Variants in BMP5 observed in about 807,000 individuals in gnomAD.
The protein encoded by BMP5 is bone morphogenetic protein 5.
BMP5 carries 23 observed loss-of-function variants against 46.6 expected under a neutral mutation model. That is an observed-to-expected ratio of 0.49 (90% CI 0.35 to 0.70). BMP5 has a LOEUF of 0.70. BMP5 is among the 30% of genes least tolerant of loss of function. The pLI is 0.00. For synonymous variants in BMP5, 204 were observed against 191.9 expected (o/e 1.06, Z -0.52); for missense variants, 545 against 565.6 (o/e 0.96, Z 0.37).
intron 1 of BMP5, among the ~76,000 whole-genome samples, chr6:55,847,459 C>T (rs1235394589): frequency 6.6e-6 from 1 of 151,964 alleles, no homozygotes; most frequent in Non-Finnish European, 1.5e-5. Context: ...CATAGGTTTA[C>T]ACCACCAGGA....
intron 1 of BMP5, among the ~76,000 whole-genome samples, chr6:55,871,347 T>G (rs1270770710): frequency 1.3e-5 from 2 of 151,908 alleles, no homozygotes; most frequent in African/African-American, 4.8e-5. Context: ...CTGTAAAATT[T>G]AATACTATGA....
intron 2 of BMP5, among the ~76,000 whole-genome samples, chr6:55,804,806 G>A (rs1775948827): frequency 6.6e-6 from 1 of 152,142 alleles, no homozygotes; most frequent in African/African-American, 2.4e-5. Flanking sequence ...GGAGTTTGGG[G>A]AAATAGGTGC....
chr6:55,843,294 A>T (rs1214838250), intron 1 of BMP5, among the ~76,000 whole-genome samples: 2 of 152,060 alleles, frequency 1.3e-5, no homozygotes, highest in Admixed American at 1.3e-4. Context: ...CAGTTTTTTA[A>T]AGTTTCCTTT....
In BMP5 at chr6:55,761,964, T is replaced by C. The variant is rs145925935; in HGVS notation, c.1028-1431A>G. Among the ~76,000 whole-genome samples, 393 of 152,266 alleles carry C rather than the reference T, an allele frequency of 2.6e-3. 2 individuals carry two copies. Among genetic ancestry groups the C allele is most frequent in the African/African-American group, 8.9e-3 (372 of 41,568 alleles). On this transcript the variant is annotated intron_variant, in intron 4 of 6. Coordinates refer to ENST00000370830, the MANE Select transcript of BMP5 (RefSeq NM_021073.4). ...GAGGAGTTAATGGACAAATTTCTCA[T>C]AGTGTTCCATAAGTGATTTGAGGCA...
Position 55,862,377 on chromosome 6 carries a change from T to C in BMP5, c.490+11999A>G, listed in dbSNP as rs1413202368. On this transcript the variant is annotated intron_variant, in intron 1 of 6. Transcript: ENST00000370830. Reference sequence around the variant, plus strand: ...AGGAAATGTATGAAAGTGGTCCTTATACCAATTCTCAGAATCCCCTTTTAT... The same window carrying C: ...AGGAAATGTATGAAAGTGGTCCTTACACCAATTCTCAGAATCCCCTTTTAT... Among the ~76,000 whole-genome samples, 4 of 152,312 alleles carry C rather than the reference T, an allele frequency of 2.6e-5. No homozygotes were observed. The South Asian group carries it at 6.2e-4, about 24-fold the overall frequency.
rs1777879750 is a variant in BMP5 at position 55,875,165 on chromosome 6, G to A, written c.-300C>T. 12 of 312,672 alleles carry A rather than the reference G, an allele frequency of 3.8e-5. No individual in the cohort carries two copies. The South Asian group carries it at 4.0e-4, about 11-fold the overall frequency. 19.4% of individuals were successfully genotyped at this position (312,672 alleles called of 1,614,324 possible). A position where few individuals can be genotyped will look rare whatever the true frequency, so the allele number is the denominator to read the frequency against. On this transcript the variant is annotated 5_prime_UTR_variant, in exon 1 of 7. It introduces an in-frame stop codon into an upstream open reading frame of the 5' UTR. Transcript: ENST00000370830. ...TAGCAGAAGACGGCTAATATTATTTGATCAGATGACCTATGCATTCCTATA... is the reference window on the plus strand; with the variant it reads ...TAGCAGAAGACGGCTAATATTATTTAATCAGATGACCTATGCATTCCTATA...
At chr6:55,872,357 A>T (rs1777806722) in intron 1 of BMP5, among the ~76,000 whole-genome samples, 2 of 151,742 alleles carry the variant, frequency 1.3e-5, no homozygotes, top group Admixed American at 6.6e-5. Context: ...TTCAAGCATG[A>T]TAAAAATAAA....
chr6:55,820,668 T>A (rs1390255087), intron 1 of BMP5, among the ~76,000 whole-genome samples: 1 of 152,122 alleles, frequency 6.6e-6, no homozygotes, highest in East Asian at 1.9e-4. Flanking sequence ...TCCTCCCAAT[T>A]TGGCATCCCA....
At chr6:55,843,444 G>C (rs1264822024) in intron 1 of BMP5, among the ~76,000 whole-genome samples, 1 of 151,984 alleles carries the variant, frequency 6.6e-6, no homozygotes, top group Non-Finnish European at 1.5e-5. Flanking sequence ...TTAACCATCT[G>C]ATCATACTTA....
intron 1 of BMP5, among the ~76,000 whole-genome samples, chr6:55,859,867 C>T (rs982025060): frequency 2.6e-5 from 4 of 152,204 alleles, no homozygotes; most frequent in African/African-American, 9.7e-5. Flanking sequence ...TCATAATGCT[C>T]ATTAGCATAA....
rs1244056544 is a variant in BMP5, at chr6:55,755,326, T to G, written c.*207A>C. 1.9e-6 allele frequency: 1 copy of G among 516,792 alleles called. No homozygotes were observed. The highest frequency in any genetic ancestry group is 3.4e-6 in the Non-Finnish European group (1 of 291,204). 32.0% of individuals were successfully genotyped at this position (516,792 alleles called of 1,614,324 possible). On this transcript the variant is annotated 3_prime_UTR_variant, in exon 7 of 7. Transcript: ENST00000370830. ...TTGTATAATGTAGTGGCCTATGAAA[T>G]AGATTTTATTGATAAAGCCTCCACA...
chr6:55,824,120 C>T (rs1308961426), intron 1 of BMP5, among the ~76,000 whole-genome samples: 1 of 151,898 alleles, frequency 6.6e-6, no homozygotes, highest in Non-Finnish European at 1.5e-5. Flanking sequence ...ATTTAACACT[C>T]CTTAAATGTC....
rs992441353 is a variant in BMP5, at chr6:55,755,303, G to A, written c.*230C>T. 1 of 450,042 alleles carries A rather than the reference G, an allele frequency of 2.2e-6. No homozygotes were observed. The highest frequency in any genetic ancestry group is 4.0e-6 in the Non-Finnish European group (1 of 250,230). 27.9% of individuals were successfully genotyped at this position (450,042 alleles called of 1,614,324 possible). A position where few individuals can be genotyped will look rare whatever the true frequency, so the allele number is the denominator to read the frequency against. On this transcript the variant is annotated 3_prime_UTR_variant, in exon 7 of 7. Transcript: ENST00000370830. ...TGAAAATTATACTAGATGATCTATT[G>A]TATAATGTAGTGGCCTATGAAATAG...
chr6:55,771,807 C>G (rs1174344705), intron 4 of BMP5, among the ~76,000 whole-genome samples: 2 of 151,838 alleles, frequency 1.3e-5, no homozygotes, highest in Non-Finnish European at 2.9e-5. Flanking sequence ...CCATCCCACC[C>G]CTTCTTATCC....
In BMP5 at chr6:55,764,847, A is replaced by T. The variant is rs114452223; in HGVS notation, c.1028-4314T>A. Among the ~76,000 whole-genome samples, 1,342 of 152,250 alleles carry T rather than the reference A, an allele frequency of 8.8e-3. 13 individuals carry two copies. The highest frequency in any genetic ancestry group is 0.031 in the African/African-American group (1,268 of 41,564). ...AATGAACACAAAACTACAGCTTTTT[A>T]AAAAACTTACAGAAGAAATCAGTTG... On this transcript the variant is annotated intron_variant, in intron 4 of 6. Transcript: ENST00000370830.
chr6:55,761,536 C>G (rs1233255529), intron 4 of BMP5, among the ~76,000 whole-genome samples: 1 of 152,072 alleles, frequency 6.6e-6, no homozygotes, highest in Non-Finnish European at 1.5e-5. Context: ...AGCCACCATA[C>G]CTCCTTGCTG....
At position 55,760,546 on chromosome 6, in the gene BMP5, A is replaced by G; in HGVS notation, c.1028-13T>C. The G allele has an allele frequency of 6.2e-7, 1 of 1,610,786 alleles. No individual in the cohort carries two copies. The highest frequency in any genetic ancestry group is 8.5e-7 in the Non-Finnish European group (1 of 1,177,374). ...CTTGTGTTATAATCTGAAGATAAAA[A>G]CCACATTTTGAATAAATGGTTGCTT... On this transcript the variant is annotated splice_polypyrimidine_tract_variant and intron_variant, in intron 4 of 6. Transcript: ENST00000370830.
chr6:55,824,071 C>A (rs1776473393), intron 1 of BMP5, among the ~76,000 whole-genome samples: 1 of 151,886 alleles, frequency 6.6e-6, no homozygotes, highest in Non-Finnish European at 1.5e-5. Flanking sequence ...CTACCAAAAT[C>A]AAAACTCCCA....
intron 1 of BMP5, among the ~76,000 whole-genome samples, chr6:55,831,383 T>C (rs984735179): frequency 6.6e-6 from 1 of 152,056 alleles, no homozygotes; most frequent in Admixed American, 6.6e-5. Context: ...AACGTAAAAA[T>C]TGATTTTTTT....
Sources: allele counts gnomAD v4.1 joint callset (sites outside exome capture counted in the v4.1 genomes callset), GRCh38; gene constraint gnomAD v4.1.1; transcripts MANE v1.5; gene names NCBI Gene and HGNC (gene_info 2026-07-23, HGNC 2026-07-21).